Variants in SGCG observed in about 807,000 individuals in gnomAD.
SGCG encodes the protein sarcoglycan gamma, also known as gamma-sarcoglycan.
SGCG carries 26 observed loss-of-function variants against 29.3 expected under a neutral mutation model. The observed-to-expected ratio is 0.89, with a 90% CI of 0.65 to 1.23. The LOEUF (loss-of-function observed/expected upper bound fraction) is 1.23, where lower values mean the gene tolerates loss of function less well. Among genes scored for constraint, SGCG ranks in the 50% most tolerant of loss-of-function variants. SGCG has a pLI of 0.00. For missense variants in SGCG, 353 were observed against 356.0 expected, an observed-to-expected ratio of 0.99 and a Z score of 0.07; for synonymous variants, 145 against 129.7, an observed-to-expected ratio of 1.12 and a Z score of -0.80.
intron 6 of SGCG, among the ~76,000 whole-genome samples, chr13:23,308,866 T>C (rs536858947): frequency 1.3e-5 from 2 of 152,302 alleles, no homozygotes; most frequent in African/African-American, 4.8e-5. Flanking sequence ...GCCTGGACTG[T>C]TTTTCATGTA....
chr13:23,260,311 T>A (rs1182851955), intron 4 of SGCG, among the ~76,000 whole-genome samples: 1 of 152,190 alleles, frequency 6.6e-6, no homozygotes, highest in Non-Finnish European at 1.5e-5. Flanking sequence ...GCCTTCTTTG[T>A]CTCTTTTGAT....
chr13:23,248,632 T>G (rs1879822666), intron 3 of SGCG, among the ~76,000 whole-genome samples: 1 of 144,708 alleles, frequency 6.9e-6, no homozygotes, highest in Admixed American at 7.1e-5. Flanking sequence ...AGGCGGAGCT[T>G]CCGGCGAGCC....
At chr13:23,210,513 A>T (rs1566000576) in intron 2 of SGCG, among the ~76,000 whole-genome samples, 2 of 152,122 alleles carry the variant, frequency 1.3e-5, no homozygotes, top group Admixed American at 6.6e-5. Context: ...AACACAGTGA[A>T]ACCCTGTCTC....
intron 1 of SGCG, among the ~76,000 whole-genome samples, chr13:23,194,252 C>G (rs967504906): frequency 6.6e-6 from 1 of 152,128 alleles, no homozygotes; most frequent in Non-Finnish European, 1.5e-5. Flanking sequence ...TGCAAGCATT[C>G]CTTACCATGT....
chr13:23,187,883 T>A (rs8000272), intron 1 of SGCG, among the ~76,000 whole-genome samples: 12,309 of 152,264 alleles, frequency 0.081, 1,164 homozygotes, highest in African/African-American at 0.23. Context: ...ATGGCATATA[T>A]TTCTCTGCTG....
chr13:23,320,718 G>A lies in SGCG; in HGVS notation c.660G>A (p.Ala220=), dbSNP rs550268354. 1.8e-5 allele frequency: 29 copies of A among 1,613,298 alleles called. No homozygotes were observed. In the East Asian group the frequency reaches 4.2e-4, roughly 24 times the overall value. ...AAGCTCACGCTGGGAAAATTGAGGC[G>A]CTTTCTCAAATGGATATTCTTTTTC... The part of the protein sequence containing the change: ...HIQAHAGKIE[A]LSQMDILFHS... Residue 220 remains alanine (A), a synonymous_variant, in exon 7 of 8, where the codon GCG becomes GCA. Transcript: ENST00000218867.
At chr13:23,274,793 A>G (rs1270338961) in intron 4 of SGCG, among the ~76,000 whole-genome samples, 3 of 152,124 alleles carry the variant, frequency 2.0e-5, no homozygotes, top group African/African-American at 4.8e-5. Context: ...ACTGATTACT[A>G]TATAGCCAGC....
Position 23,265,345 on chromosome 13 carries a change from G to A in SGCG, c.386-14014G>A, listed in dbSNP as rs185027132. Reference sequence around the variant, plus strand: ...TGTAATCCCAGCACTTTGGGAATCCGAAGCAGGAGGATCACGAGGTCAAAA... The same window carrying A: ...TGTAATCCCAGCACTTTGGGAATCCAAAGCAGGAGGATCACGAGGTCAAAA... On this transcript the variant is annotated intron_variant, in intron 4 of 7. Transcript: ENST00000218867. Among the ~76,000 whole-genome samples the A allele has an allele frequency of 1.2e-4, 18 of 152,288 alleles. No homozygotes were observed. The East Asian group carries it at 3.5e-3, about 29-fold the overall frequency.
intron 7 of SGCG, among the ~76,000 whole-genome samples, chr13:23,322,333 G>C (rs866441711): frequency 6.6e-6 from 1 of 152,250 alleles, no homozygotes; most frequent in Non-Finnish European, 1.5e-5. Flanking sequence ...GGGCGGTCCA[G>C]TAGCAGCGAG....
intron 2 of SGCG, among the ~76,000 whole-genome samples, chr13:23,225,780 T>TACACACACACACAC (rs60718653): frequency 0.14 from 20,081 of 148,462 alleles, 1,457 homozygotes; most frequent in African/African-American, 0.16. Context: ...GGACATGTCA[T>TACACACACACACAC]ACACACACAC....
At chr13:23,212,075 C>T (rs1878245513) in intron 2 of SGCG, among the ~76,000 whole-genome samples, 1 of 152,074 alleles carries the variant, frequency 6.6e-6, no homozygotes, top group Non-Finnish European at 1.5e-5. Context: ...CTGCTCCTAC[C>T]ATGTAAGACG....
rs545122758 is a variant in SGCG, at chr13:23,254,989, A to G, written c.385+4272A>G. Among the ~76,000 whole-genome samples, 248 of 152,346 alleles carry G rather than the reference A, an allele frequency of 1.6e-3. 1 individual carries two copies. The highest frequency in any genetic ancestry group is 0.014 in the Middle Eastern group (4 of 294). ...AAAGCCTGGATGTCCAGTCTGAAAC[A>G]TGCTGCAGGGACACAGGCCCCACAA... On this transcript the variant is annotated intron_variant, in intron 4 of 7. Transcript: ENST00000218867.
chr13:23,231,487 T>C (rs965639782), intron 2 of SGCG, among the ~76,000 whole-genome samples: 1 of 152,142 alleles, frequency 6.6e-6, no homozygotes, highest in Non-Finnish European at 1.5e-5. Flanking sequence ...AGGGTTTTTT[T>C]GGTGATATAA....
chr13:23,234,958 T>A (rs2137545516), intron 3 of SGCG, among the ~76,000 whole-genome samples: 1 of 152,346 alleles, frequency 6.6e-6, no homozygotes, highest in African/African-American at 2.4e-5. Flanking sequence ...CATAATAAAC[T>A]AAAGGTTTTA....
chr13:23,225,847 A>G (rs938656756), intron 2 of SGCG, among the ~76,000 whole-genome samples: 1 of 151,898 alleles, frequency 6.6e-6, no homozygotes. Context: ...GCCTATCTAT[A>G]TATGTATAGA....
chr13:23,211,882 C>T (rs1878229140), intron 2 of SGCG, among the ~76,000 whole-genome samples: 1 of 152,186 alleles, frequency 6.6e-6, no homozygotes, highest in African/African-American at 2.4e-5. Flanking sequence ...TGTGTCCCCA[C>T]CCAATCTCCT....
At chr13:23,268,730 C>T (rs187713261) in intron 4 of SGCG, 1 of 152,744 alleles carries the variant, frequency 6.5e-6, no homozygotes, top group African/African-American at 2.4e-5. Context: ...CTGCTGCCCT[C>T]AGCACCAGTT....
chr13:23,244,548 T>C (rs1056478906), intron 3 of SGCG: 7 of 152,210 alleles, frequency 4.6e-5, no homozygotes, highest in African/African-American at 1.7e-4. Flanking sequence ...GGTTAAAACG[T>C]GGTTGTTTTA....
At position 23,315,323 on chromosome 13, in the gene SGCG, G is replaced by T. The variant is rs375623001; in HGVS notation, c.579-5314G>T. On this transcript the variant is annotated intron_variant, in intron 6 of 7. Transcript: ENST00000218867. ...GACCCATCTAGCCATAAAGTGGGTC[G>T]TGCACAACAGCATTCCATCATCAAA... Among the ~76,000 whole-genome samples the T allele has an allele frequency of 3.3e-5, 5 of 152,192 alleles. No homozygotes were observed. The South Asian group carries it at 1.0e-3, about 32-fold the overall frequency.
Sources: gnomAD v4.1 joint callset for allele counts (sites outside exome capture counted in the v4.1 genomes callset) on GRCh38, gnomAD v4.1.1 for gene constraint, MANE v1.5 for transcripts, NCBI Gene and HGNC (gene_info 2026-07-23, HGNC 2026-07-21) for gene names.